Variants in RGS22 observed in about 807,000 individuals in gnomAD.
The protein encoded by RGS22 is regulator of G protein signaling 22.
A neutral mutation model predicts 172.9 loss-of-function variants in RGS22; 148 were observed. That is an observed-to-expected ratio of 0.86 (90% CI 0.75 to 0.98). The LOEUF is 0.98. Ranked by LOEUF, RGS22 falls within the 50% of genes least tolerant of loss-of-function variation. The pLI is 0.00. For missense variants in RGS22, 1,347 were observed against 1,440.8 expected (o/e 0.93, Z 1.05); for synonymous variants, 458 against 480.2 (o/e 0.95, Z 0.60).
rs564393489 is a variant in RGS22, at chr8:100,051,813, TTA to T, written c.1689+987_1689+988del. Among the ~76,000 whole-genome samples, 50 of 32,256 alleles carry T rather than the reference TTA, an allele frequency of 1.6e-3. 8 individuals carry two copies. The highest frequency in any genetic ancestry group is 3.8e-3 in the South Asian group (3 of 780). The allele number at this position is 32,256 out of a possible 152,430, so 21.2% of individuals were successfully genotyped here. A position where few individuals can be genotyped will look rare whatever the true frequency, so the allele number is the denominator to read the frequency against. ...TAAATATATATTTATATATAAATGT[TTA>T]TATATATTTATATATAAATGTTTAT... On this transcript the variant is annotated intron_variant, in intron 10 of 27. Transcript: ENST00000360863.
At chr8:100,073,364 A>C (rs1351528943) in intron 4 of RGS22, among the ~76,000 whole-genome samples, 1 of 152,158 alleles carries the variant, frequency 6.6e-6, no homozygotes, top group East Asian at 1.9e-4. Flanking sequence ...TGATACGCGC[A>C]GAAGTCTTTA....
rs538046898 is a variant in RGS22, at chr8:100,038,918, A to G, written c.2166+13T>C. 2 of 1,557,366 alleles carry G rather than the reference A, an allele frequency of 1.3e-6. No homozygotes were observed. Among genetic ancestry groups the G allele is most frequent in the African/African-American group, 1.4e-5 (1 of 73,786 alleles). ...TAGTGCTTCACATTGAACCAATATT[A>G]TTTACTACGTACTTGCGCTTGCTTG... On this transcript the variant is annotated intron_variant, in intron 14 of 27. Transcript: ENST00000360863.
intron 23 of RGS22, among the ~76,000 whole-genome samples, chr8:99,976,115 G>A (rs1477718585): frequency 6.6e-6 from 1 of 151,974 alleles, no homozygotes; most frequent in Non-Finnish European, 1.5e-5. Flanking sequence ...ACTTGAACCT[G>A]GGAAGCAGAG....
chr8:100,057,285 G>T lies in RGS22; in HGVS notation c.1515-4309C>A, dbSNP rs113149474. Among the ~76,000 whole-genome samples the T allele has an allele frequency of 4.6e-5, 7 of 152,278 alleles. 1 individual carries two copies. The highest frequency in any genetic ancestry group is 1.7e-4 in the African/African-American group (7 of 41,554). On this transcript the variant is annotated intron_variant, in intron 9 of 27. Transcript: ENST00000360863. ...GATTTTACAGGCTCATAGGCAGAAG[G>T]GACTTGCCTTGTCTCAAATGAGACT... is the stretch of plus-strand genomic sequence containing the variant.
At position 100,039,011 on chromosome 8, in the gene RGS22, A is replaced by C; in HGVS notation, c.2086T>G (p.Phe696Val). Reference protein sequence around the residue: ...GNKLWKNSVYFWFDLQAYHQL... With the variant: ...GNKLWKNSVYVWFDLQAYHQL... ...TGATAAGCCTGCAGGTCAAACCAAAAGTACACACTGTTCTTCCACAACTAC... is the reference window on the plus strand; with the variant it reads ...TGATAAGCCTGCAGGTCAAACCAAACGTACACACTGTTCTTCCACAACTAC... Residue 696 changes from phenylalanine to valine, a missense_variant, in exon 14 of 28, where the codon TTT becomes GTT. Coordinates refer to ENST00000360863, the MANE Select transcript of RGS22 (RefSeq NM_015668.5). 6.2e-7 allele frequency: 1 copy of C among 1,609,356 alleles called. No homozygotes were observed. Among genetic ancestry groups the C allele is most frequent in the Non-Finnish European group, 8.5e-7 (1 of 1,176,782 alleles).
intron 3 of RGS22, among the ~76,000 whole-genome samples, chr8:100,082,325 G>A (rs537965860): frequency 6.6e-6 from 1 of 152,204 alleles, no homozygotes; most frequent in African/African-American, 2.4e-5. Flanking sequence ...TTGTCACCCA[G>A]GTAAGCAGCA....
At chr8:99,980,623 A>G (rs562775182) in intron 22 of RGS22, among the ~76,000 whole-genome samples, 2 of 152,306 alleles carry the variant, frequency 1.3e-5, no homozygotes, top group African/African-American at 4.8e-5. Flanking sequence ...AAGATTATTT[A>G]TTTTCAGATG....
intron 6 of RGS22, among the ~76,000 whole-genome samples, chr8:100,069,496 C>T (rs900839706): frequency 1.2e-4 from 19 of 152,224 alleles, no homozygotes; most frequent in African/African-American, 4.6e-4. Context: ...TAGGTTAAAT[C>T]TCTTCAAATG....
intron 14 of RGS22, among the ~76,000 whole-genome samples, chr8:100,032,960 T>G (rs886502736): frequency 6.6e-6 from 1 of 152,162 alleles, no homozygotes; most frequent in African/African-American, 2.4e-5. Flanking sequence ...AGATGTTCTT[T>G]GAAACCAATG....
At chr8:100,023,574 C>T (rs1817844882) in intron 14 of RGS22, among the ~76,000 whole-genome samples, 1 of 152,090 alleles carries the variant, frequency 6.6e-6, no homozygotes, top group Non-Finnish European at 1.5e-5. Flanking sequence ...GCTGGGACTA[C>T]AAGCACGGGC....
intron 14 of RGS22, among the ~76,000 whole-genome samples, chr8:100,013,100 C>G (rs1208596639): frequency 6.7e-6 from 1 of 150,330 alleles, no homozygotes; most frequent in Non-Finnish European, 1.5e-5. Context: ...TGCCATTCTC[C>G]TGCTTCAGCC....
intron 13 of RGS22, among the ~76,000 whole-genome samples, chr8:100,039,318 A>G (rs146527217): frequency 7.7e-4 from 117 of 152,168 alleles, no homozygotes; most frequent in Non-Finnish European, 1.1e-3. Flanking sequence ...TTTGATATAT[A>G]TGGGCAATGT....
Position 100,041,364 on chromosome 8 carries a change from G to A in RGS22, c.1938+438C>T, listed in dbSNP as rs192442880. On this transcript the variant is annotated intron_variant, in intron 12 of 27. Transcript: ENST00000360863. ...AAGTTAGCCAGGCGTGGTGGTGTGC[G>A]CCTGTAGTCCCAGCTACTTGGGAGG... Among the ~76,000 whole-genome samples the A allele has an allele frequency of 1.4e-3, 212 of 152,092 alleles. 1 individual carries two copies. Among genetic ancestry groups the A allele is most frequent in the Admixed American group, 7.2e-3 (110 of 15,270 alleles).
intron 9 of RGS22, among the ~76,000 whole-genome samples, chr8:100,053,891 C>A (rs1045063904): frequency 6.6e-6 from 1 of 152,174 alleles, no homozygotes; most frequent in Non-Finnish European, 1.5e-5. Context: ...TCCTCAGCCT[C>A]CCAAAGTGCT....
intron 3 of RGS22, among the ~76,000 whole-genome samples, chr8:100,088,889 T>C (rs1419988435): frequency 1.3e-5 from 2 of 151,990 alleles, no homozygotes; most frequent in East Asian, 3.9e-4. Context: ...AGTCTATATC[T>C]ACACTCTAGG....
chr8:99,996,435 A>G, intron 20 of RGS22, 27 bp downstream of exon 20: 1 of 1,584,022 alleles, frequency 6.3e-7, no homozygotes, highest in Non-Finnish European at 8.7e-7. Context: ...AACTTACAAG[A>G]GGAAGAATAT....
intron 12 of RGS22, 58 bp downstream of exon 12, chr8:100,041,744 A>C: frequency 1.1e-6 from 1 of 880,276 alleles, no homozygotes; most frequent in Non-Finnish European, 1.8e-6. Context: ...CTCTAAAATC[A>C]GGAGATACTG....
At chr8:99,975,875 GA>G (rs1351363533) in intron 23 of RGS22, among the ~76,000 whole-genome samples, 1 of 152,090 alleles carries the variant, frequency 6.6e-6, no homozygotes, top group Non-Finnish European at 1.5e-5. Flanking sequence ...TAAATTTCTA[GA>G]AGTGTATTTG....
chr8:99,996,685 C>T (rs992092577), intron 19 of RGS22, among the ~76,000 whole-genome samples, 155 bp from the exon 20 acceptor site: 2 of 152,098 alleles, frequency 1.3e-5, no homozygotes, highest in African/African-American at 4.8e-5. Flanking sequence ...AATGGAAGCC[C>T]TGTGGTCAGG....
Sources: gnomAD v4.1 joint callset for allele counts (sites outside exome capture counted in the v4.1 genomes callset) on GRCh38, gnomAD v4.1.1 for gene constraint, MANE v1.5 for transcripts, NCBI Gene and HGNC (gene_info 2026-07-23, HGNC 2026-07-21) for gene names.